The following CACNA1S variants were observed in gnomAD, a reference collection of about 807,000 sequenced individuals.
CACNA1S encodes the protein calcium voltage-gated channel subunit alpha1 S, also known as voltage-dependent L-type calcium channel subunit alpha-1S.
A neutral mutation model predicts 207.4 loss-of-function variants in CACNA1S; 126 were observed. That is an observed-to-expected ratio of 0.61 (90% CI 0.53 to 0.70). The LOEUF (loss-of-function observed/expected upper bound fraction) is 0.70. CACNA1S is among the 30% of genes least tolerant of loss of function. The pLI, the probability that CACNA1S is intolerant of heterozygous loss-of-function variation, is 0.00. For synonymous variants in CACNA1S, 960 were observed against 932.7 expected, an observed-to-expected ratio of 1.03 and a Z score of -0.53; for missense variants, 2,349 against 2,422.8, an observed-to-expected ratio of 0.97 and a Z score of 0.64.
At position 201,069,492 on chromosome 1, in the gene CACNA1S, C is replaced by T. The variant is rs1390226086; in HGVS notation, c.2470G>A (p.Ala824Thr). 1.2e-6 allele frequency: 2 copies of T among 1,602,704 alleles called. No individual in the cohort carries two copies. The highest frequency in any genetic ancestry group is 1.1e-5 in the South Asian group (1 of 88,000). ...GTCACCTGATTTCTCATGGAATCAG[C>T]CCGGATGGGGTCTTCCGCAGCCAGT... The part of the protein sequence containing the change: ...AALAAEDPIR[A>T]DSMRNQILKH... Residue 824 changes from alanine (A) to threonine (T), a missense_variant, in exon 18 of 44, where the codon GCT becomes ACT. Ala to Thr is a moderately conservative substitution (Grantham distance 58). Coordinates refer to ENST00000362061, the MANE Select transcript of CACNA1S (RefSeq NM_000069.3).
Position 201,075,635 on chromosome 1 carries a change from A to C in CACNA1S, c.1828-20T>G. The stretch of plus-strand genomic sequence containing the variant: ...CAGTACCTGTATGGAGGGAGGATAG[A>C]GGGCTCGGGAACACAGAGGGGCCTG... On this transcript the variant is annotated intron_variant, in intron 12 of 43. Coordinates refer to ENST00000362061, the MANE Select transcript of CACNA1S (RefSeq NM_000069.3). The C allele has an allele frequency of 6.2e-7, 1 of 1,613,502 alleles. No homozygotes were observed. The highest frequency in any genetic ancestry group is 8.5e-7 in the Non-Finnish European group (1 of 1,179,412).
At chr1:201,075,430 A>G (rs943141009) in intron 13 of CACNA1S, 65 bp downstream of exon 13, 22 of 1,585,492 alleles carry the variant, frequency 1.4e-5, no homozygotes, top group Non-Finnish European at 1.9e-5. Flanking sequence ...CTTGACCCCC[A>G]TTTTAAGCCC....
intron 7 of CACNA1S, 103 bp from the exon 8 acceptor site, chr1:201,085,684 G>T (rs571637443): frequency 3.5e-5 from 49 of 1,406,332 alleles, no homozygotes; most frequent in Non-Finnish European, 4.3e-5. Context: ...TGACTGGAGC[G>T]CTCCTTTTTC....
chr1:201,085,029 T>G lies in CACNA1S; in HGVS notation c.1153A>C (p.Lys385Gln), dbSNP rs1301022793. 1.2e-6 allele frequency: 2 copies of G among 1,609,396 alleles called. No individual in the cohort carries two copies. Among genetic ancestry groups the G allele is most frequent in the African/African-American group, 2.7e-5 (2 of 74,882 alleles). The change falls in exon 9 of 44, where the codon AAA becomes CAA. Residue 385 changes from lysine to glutamine, a missense_variant and splice_region_variant. Physicochemically the swap from Lys to Gln is moderately conservative, Grantham distance 53 (BLOSUM62 1). Transcript: ENST00000362061. ...GAGCCACCTTCATCCAAAGACAGTT[T>G]TCCTGGAGACAGGAGAGAAAGAGTC... The part of the protein sequence containing the change: ...VMDVEDFREG[K>Q]LSLDEGGSDT...
chr1:201,058,144 C>T (rs930610405), intron 28 of CACNA1S, among the ~76,000 whole-genome samples: 5 of 152,230 alleles, frequency 3.3e-5, no homozygotes, highest in African/African-American at 1.2e-4. Flanking sequence ...GACCACCCCA[C>T]CCAGAGACGA....
chr1:201,098,864 G>C (rs1255913820), intron 2 of CACNA1S, among the ~76,000 whole-genome samples: 2 of 152,162 alleles, frequency 1.3e-5, no homozygotes, highest in Non-Finnish European at 2.9e-5. Context: ...CCCCTTCAAG[G>C]AAATTCTCAT....
chr1:201,087,435 C>T (rs572348557), intron 7 of CACNA1S, among the ~76,000 whole-genome samples: 24 of 152,258 alleles, frequency 1.6e-4, no homozygotes, highest in African/African-American at 5.8e-4. Context: ...CTTAGGCACC[C>T]CCGGGGCCAG....
intron 43 of CACNA1S, 48 bp downstream of exon 43, chr1:201,040,181 CAG>C: frequency 3.1e-6 from 5 of 1,612,278 alleles, no homozygotes; most frequent in Non-Finnish European, 4.2e-6. Flanking sequence ...CAGGCCATCA[CAG>C]GGCCACCACT....
chr1:201,062,385 AGTG>A (rs1661081514), intron 23 of CACNA1S, 74 bp downstream of exon 23: 1 of 1,400,120 alleles, frequency 7.1e-7, no homozygotes, highest in Non-Finnish European at 1.0e-6. Context: ...ACCCTCCCAC[AGTG>A]CTCCCTGCCC....
At chr1:201,045,823 A>G (rs2102551263) in intron 38 of CACNA1S, among the ~76,000 whole-genome samples, 1 of 152,176 alleles carries the variant, frequency 6.6e-6, no homozygotes, top group South Asian at 2.1e-4. Flanking sequence ...TATGCAGGAT[A>G]ACGCCCTTGT....
At chr1:201,042,742 G>A (rs1328187094) in intron 40 of CACNA1S, 1 of 163,690 alleles carries the variant, frequency 6.1e-6, no homozygotes, top group Non-Finnish European at 1.3e-5. Context: ...CTGACCTCCT[G>A]TCTAGAACAG....
At chr1:201,106,674 C>T (rs1409554058) in intron 2 of CACNA1S, among the ~76,000 whole-genome samples, 3 of 152,120 alleles carry the variant, frequency 2.0e-5, no homozygotes, top group Non-Finnish European at 4.4e-5. Flanking sequence ...CAGATTGCCA[C>T]AAGCGCCTCC....
intron 28 of CACNA1S, among the ~76,000 whole-genome samples, chr1:201,057,847 A>G (rs937458617): frequency 1.3e-5 from 2 of 152,162 alleles, no homozygotes; most frequent in African/African-American, 4.8e-5. Flanking sequence ...TAATCCTCCC[A>G]CTGCCCTGTT....
At chr1:201,094,709 G>A (rs2102168661) in intron 2 of CACNA1S, among the ~76,000 whole-genome samples, 1 of 152,220 alleles carries the variant, frequency 6.6e-6, no homozygotes, top group Admixed American at 6.5e-5. Flanking sequence ...CCTTTAGGCA[G>A]CCCCTTAAAG....
intron 19 of CACNA1S, among the ~76,000 whole-genome samples, chr1:201,068,157 G>T (rs1661313645): frequency 1.3e-5 from 2 of 150,442 alleles, no homozygotes; most frequent in South Asian, 4.2e-4. Flanking sequence ...GGGGACTCTT[G>T]GAGGAAAAGG....
rs1383334973 is a variant in CACNA1S, at chr1:201,077,014, A to G, written c.1733T>C (p.Met578Thr). 2.5e-6 allele frequency: 4 copies of G among 1,614,246 alleles called. No individual in the cohort carries two copies. In the East Asian group the frequency reaches 6.7e-5, roughly 27 times the overall value. ...GTCATACCTCCCCCCAAAGAGCTGC[A>G]TGCCCAGGAGGGCGAAGATGACGAT... ...LFIVIFALLG[M>T]QLFGGRYDFE... Residue 578 changes from methionine to threonine, a missense_variant, in exon 12 of 44, where the codon ATG (methionine) becomes ACG (threonine). By Grantham distance (81) the Met-to-Thr change is moderately conservative (BLOSUM62 -1). Transcript: ENST00000362061.
chr1:201,100,079 G>A (rs1022693508), intron 2 of CACNA1S, among the ~76,000 whole-genome samples: 4 of 152,182 alleles, frequency 2.6e-5, no homozygotes, highest in South Asian at 4.1e-4. Context: ...CCAGGCAGGC[G>A]GGATAACTGA....
chr1:201,077,949 C>T lies in CACNA1S; in HGVS notation c.1549G>A (p.Gly517Ser). The change falls in exon 11 of 44, where the codon GGT becomes AGT. Residue 517 changes from glycine to serine, a missense_variant. Transcript: ENST00000362061. ...GAGATGCCCAGGGGTGTCATGGCACCCGACTCCACCAGCAGGATCTCCAGG... is the reference window on the plus strand; with the variant it reads ...GAGATGCCCAGGGGTGTCATGGCACTCGACTCCACCAGCAGGATCTCCAGG... Reference protein sequence around the residue: ...GILEILLVESGAMTPLGISVL... With the variant: ...GILEILLVESSAMTPLGISVL... 2 of 1,614,154 alleles carry T rather than the reference C, an allele frequency of 1.2e-6. No homozygotes were observed. Among genetic ancestry groups the T allele is most frequent in the Non-Finnish European group, 8.5e-7 (1 of 1,180,006 alleles).
At chr1:201,047,049 A>G in intron 38 of CACNA1S, 66 bp downstream of exon 38, 3 of 1,605,530 alleles carry the variant, frequency 1.9e-6, no homozygotes, top group Non-Finnish European at 2.6e-6. Flanking sequence ...ACATGGAAGG[A>G]TAACTAGAGT....
Sources: allele counts gnomAD v4.1 joint callset (sites outside exome capture counted in the v4.1 genomes callset), GRCh38; gene constraint gnomAD v4.1.1; transcripts MANE v1.5; gene names NCBI Gene and HGNC (gene_info 2026-07-23, HGNC 2026-07-21).